TENM3: variants seen among roughly 807,000 people sequenced by gnomAD.
TENM3 encodes teneurin-3.
A neutral mutation model predicts 255.1 loss-of-function variants in TENM3; 63 were observed. The observed-to-expected ratio is 0.25, with a 90% CI of 0.20 to 0.30. TENM3 has a LOEUF of 0.30. Ranked by LOEUF, TENM3 falls within the 10% of genes least tolerant of loss-of-function variation. The pLI is 1.00. For synonymous variants in TENM3, 1,306 were observed against 1,322.3 expected (o/e 0.99, Z 0.27); for missense variants, 2,929 against 3,461.1 (o/e 0.85, Z 3.86).
chr4:182,554,770 C>T (rs1473544342), intron 3 of TENM3, among the ~76,000 whole-genome samples: 1 of 151,986 alleles, frequency 6.6e-6, no homozygotes, highest in Non-Finnish European at 1.5e-5. Context: ...TGAAACAAAG[C>T]CCATGTCACC....
the TENM3 span, chr4:182,081,699 A>C: frequency 1.3e-5 from 2 of 152,144 alleles, no homozygotes; most frequent in African/African-American, 4.8e-5. Flanking sequence ...AGAGAAAACC[A>C]TTAGCCAGAG....
the TENM3 span, among the ~76,000 whole-genome samples, chr4:181,683,784 G>A: frequency 6.6e-6 from 1 of 152,092 alleles, no homozygotes; most frequent in Non-Finnish European, 1.5e-5. Context: ...CCCGATGACG[G>A]ACCCTGTGCT....
chr4:181,528,553 T>C, the TENM3 span, among the ~76,000 whole-genome samples: 11 of 152,262 alleles, frequency 7.2e-5, no homozygotes, highest in Admixed American at 2.0e-4. Flanking sequence ...GCCTTCTTAC[T>C]AGTGTCACAA....
intron 3 of TENM3, among the ~76,000 whole-genome samples, chr4:182,358,716 C>A (rs1485741648): frequency 6.8e-6 from 1 of 147,864 alleles, no homozygotes; most frequent in African/African-American, 2.5e-5. Context: ...TTATTTCCTT[C>A]TCCTGCCTAA....
intron 3 of TENM3, among the ~76,000 whole-genome samples, chr4:182,347,673 A>G (rs1764916196): frequency 6.6e-6 from 1 of 152,202 alleles, no homozygotes; most frequent in African/African-American, 2.4e-5. Flanking sequence ...GATTTTTTAA[A>G]AGTTAATTTA....
intron 16 of TENM3, among the ~76,000 whole-genome samples, chr4:182,732,246 T>C (rs949144323): frequency 1.1e-4 from 16 of 152,206 alleles, no homozygotes; most frequent in Admixed American, 2.0e-4. Flanking sequence ...AGTGCCTAAA[T>C]GTACCTGACA....
At chr4:181,717,918 C>A in the TENM3 span, among the ~76,000 whole-genome samples, 1 of 152,120 alleles carries the variant, frequency 6.6e-6, no homozygotes, top group Non-Finnish European at 1.5e-5. Context: ...GTGAATAGTG[C>A]AAGATTGTAT....
the TENM3 span, among the ~76,000 whole-genome samples, chr4:181,746,642 A>G: frequency 8.5e-5 from 13 of 152,116 alleles, no homozygotes; most frequent in Non-Finnish European, 2.9e-5. Context: ...CTGTATAAGT[A>G]TGACTCTGCT....
the TENM3 span, among the ~76,000 whole-genome samples, chr4:181,992,697 A>T: frequency 6.6e-6 from 1 of 152,154 alleles, no homozygotes; most frequent in East Asian, 1.9e-4. Flanking sequence ...TGGGGAGGCA[A>T]TGGCTGTTTC....
chr4:181,908,205 T>C, the TENM3 span, among the ~76,000 whole-genome samples: 3 of 152,188 alleles, frequency 2.0e-5, no homozygotes, highest in African/African-American at 7.2e-5. Context: ...GTTTTGAAAA[T>C]TCAATGTGCC....
chr4:182,216,226 G>A (rs1241890512), intron 1 of TENM3, among the ~76,000 whole-genome samples: 1 of 152,202 alleles, frequency 6.6e-6, no homozygotes, highest in Non-Finnish European at 1.5e-5. Flanking sequence ...CCACAAAAGA[G>A]ATGGAAATAT....
At chr4:182,368,583 T>C (rs1271104162) in intron 3 of TENM3, among the ~76,000 whole-genome samples, 4 of 152,170 alleles carry the variant, frequency 2.6e-5, no homozygotes, top group African/African-American at 9.7e-5. Flanking sequence ...AAGGTGAGTG[T>C]GGAGGATCAG....
the TENM3 span, among the ~76,000 whole-genome samples, chr4:182,095,974 G>T: frequency 8.6e-5 from 13 of 151,866 alleles, no homozygotes; most frequent in Admixed American, 3.9e-4. Flanking sequence ...CAAAAAAACA[G>T]AATAAATATC....
the TENM3 span, among the ~76,000 whole-genome samples, chr4:181,858,965 C>T: frequency 1.3e-5 from 2 of 152,120 alleles, no homozygotes; most frequent in Non-Finnish European, 2.9e-5. Context: ...ATTAATCCAA[C>T]AGCTGTGTGC....
intron 2 of TENM3, among the ~76,000 whole-genome samples, chr4:182,336,843 C>CT (rs34620762): frequency 1.8e-4 from 20 of 113,472 alleles, no homozygotes; most frequent in African/African-American, 5.9e-4. Context: ...TTATTCTTAG[C>CT]TTTTTTTTTT....
At chr4:182,553,310 C>T (rs1424672899) in intron 3 of TENM3, among the ~76,000 whole-genome samples, 1 of 142,920 alleles carries the variant, frequency 7.0e-6, no homozygotes, top group East Asian at 2.1e-4. Flanking sequence ...TGTTCTCACT[C>T]ATAGGTGGGA....
intron 3 of TENM3, among the ~76,000 whole-genome samples, chr4:182,588,775 A>C (rs1003255415): frequency 6.6e-6 from 1 of 152,248 alleles, no homozygotes; most frequent in African/African-American, 2.4e-5. Flanking sequence ...TAAGAATTTC[A>C]TAGGAAAAAT....
the TENM3 span, among the ~76,000 whole-genome samples, chr4:181,849,860 G>A: frequency 0.019 from 2,847 of 151,868 alleles, 44 homozygotes; most frequent in Middle Eastern, 0.048. Context: ...AGAGGAAGGC[G>A]GATTAGCTAG....
the TENM3 span, among the ~76,000 whole-genome samples, chr4:181,578,150 G>A: frequency 6.6e-6 from 1 of 152,238 alleles, no homozygotes; most frequent in Non-Finnish European, 1.5e-5. Context: ...CAGGGAACAA[G>A]TGGAAGGGTC....
Sources: allele counts gnomAD v4.1 joint callset (sites outside exome capture counted in the v4.1 genomes callset), GRCh38; gene constraint gnomAD v4.1.1; transcripts MANE v1.5; gene names NCBI Gene and HGNC (gene_info 2026-07-23, HGNC 2026-07-21).